KIAA1549L: variants seen among roughly 807,000 people sequenced by gnomAD.
KIAA1549L encodes the protein KIAA1549 like.
A neutral mutation model predicts 160.7 loss-of-function variants in KIAA1549L; 88 were observed. The ratio of observed to expected loss-of-function variants is 0.55; its 90% CI spans 0.46 to 0.65. The LOEUF (loss-of-function observed/expected upper bound fraction) is 0.65. Ranked by LOEUF, KIAA1549L falls within the 30% of genes least tolerant of loss-of-function variation. The pLI is 0.00. For missense variants in KIAA1549L, 2,258 were observed against 2,437.5 expected (o/e 0.93, Z 1.55); for synonymous variants, 950 against 976.7 (o/e 0.97, Z 0.51).
intron 1 of KIAA1549L, among the ~76,000 whole-genome samples, chr11:33,387,166 T>C (rs772349832): frequency 6.6e-6 from 1 of 152,152 alleles, no homozygotes; most frequent in Non-Finnish European, 1.5e-5. Context: ...ACTTCTGCTT[T>C]ATGGACGTGT....
intron 1 of KIAA1549L, among the ~76,000 whole-genome samples, chr11:33,390,321 C>G (rs1850249764): frequency 6.6e-6 from 1 of 152,208 alleles, no homozygotes; most frequent in Non-Finnish European, 1.5e-5. Flanking sequence ...GCCTCTTCTT[C>G]CTATGGCCCA....
At chr11:33,435,767 T>TATATACAC (rs1851341600) in intron 1 of KIAA1549L, among the ~76,000 whole-genome samples, 1 of 8,270 alleles carries the variant, frequency 1.2e-4, no homozygotes. Context: ...AAGATATATA[T>TATATACAC]ATATATATAT....
chr11:33,673,507 C>A lies in KIAA1549L; in HGVS notation c.*5353C>A, dbSNP rs1263563067. 6.6e-6 allele frequency: 1 copy of A among 152,146 alleles called. No individual in the cohort carries two copies. Among genetic ancestry groups the A allele is most frequent in the African/African-American group, 2.4e-5 (1 of 41,426 alleles). 9.4% of individuals were successfully genotyped at this position (152,146 alleles called of 1,614,324 possible). ...GTGAAAAAGGTATAAATATCCTAGA[C>A]CTTGATCAACTCACTTTAAACTGGT... On this transcript the variant is annotated 3_prime_UTR_variant, in exon 21 of 21. Coordinates refer to ENST00000658780, the MANE Select transcript of KIAA1549L (RefSeq NM_012194.3).
chr11:33,656,054 C>G lies in KIAA1549L; in HGVS notation c.5803C>G (p.Pro1935Ala). The change falls in exon 18 of 21, where the codon CCG (proline) becomes GCG (alanine). Residue 1935 changes from proline (P) to alanine (A), a missense_variant. By Grantham distance (27) the Pro-to-Ala change is conservative. Coordinates refer to ENST00000658780, the MANE Select transcript of KIAA1549L (RefSeq NM_012194.3). ...GCTTCCTGAGATGGTCATGGGCTCA[C>G]CGCCTCCACCCGTACCTCCCCGGAC... ...SQLPEMVMGS[P>A]PPPVPPRTGP... The G allele has an allele frequency of 1.2e-6, 2 of 1,613,942 alleles. No homozygotes were observed. Among genetic ancestry groups the G allele is most frequent in the African/African-American group, 1.3e-5 (1 of 75,050 alleles).
chr11:33,462,919 C>T (rs1851971860), intron 1 of KIAA1549L, among the ~76,000 whole-genome samples: 1 of 152,110 alleles, frequency 6.6e-6, no homozygotes, highest in Non-Finnish European at 1.5e-5. Context: ...ACTGCAGCTT[C>T]AACTTAAGTG....
intron 1 of KIAA1549L, among the ~76,000 whole-genome samples, chr11:33,406,382 G>T (rs554301723): frequency 6.6e-6 from 1 of 152,288 alleles, no homozygotes; most frequent in Non-Finnish European, 1.5e-5. Flanking sequence ...ACACGTGCAC[G>T]GGCCATATGG....
intron 1 of KIAA1549L, among the ~76,000 whole-genome samples, chr11:33,408,033 GTT>G: frequency 6.6e-6 from 1 of 152,140 alleles, no homozygotes; most frequent in African/African-American, 2.4e-5. Context: ...AAACAAGACA[GTT>G]TCCTTCTCAA....
At chr11:33,601,815 C>T (rs1380706045) in intron 13 of KIAA1549L, among the ~76,000 whole-genome samples, 1 of 152,174 alleles carries the variant, frequency 6.6e-6, no homozygotes, top group Non-Finnish European at 1.5e-5. Context: ...ATTCTGCTAG[C>T]CAGATGGCTG....
At chr11:33,635,950 A>T (rs780573409) in intron 16 of KIAA1549L, among the ~76,000 whole-genome samples, 2 of 152,206 alleles carry the variant, frequency 1.3e-5, no homozygotes, top group Non-Finnish European at 2.9e-5. Flanking sequence ...TTAAATGGGA[A>T]ATTCCAAAGA....
At chr11:33,575,019 C>G in intron 10 of KIAA1549L, 146 bp downstream of exon 10, 1 of 711,204 alleles carries the variant, frequency 1.4e-6, no homozygotes, top group South Asian at 1.9e-5. Flanking sequence ...AGCTATGTTT[C>G]TGTGTTGTTT....
chr11:33,526,460 C>T (rs946800110), intron 1 of KIAA1549L, among the ~76,000 whole-genome samples: 2 of 152,186 alleles, frequency 1.3e-5, no homozygotes, highest in African/African-American at 4.8e-5. Flanking sequence ...GTACTGGTAT[C>T]CATAGCTGGG....
chr11:33,495,938 T>A (rs1359685090), intron 1 of KIAA1549L, among the ~76,000 whole-genome samples: 1 of 152,070 alleles, frequency 6.6e-6, no homozygotes, highest in African/African-American at 2.4e-5. Context: ...TTGAGAAGTG[T>A]CTGTTCATGT....
chr11:33,465,429 G>C (rs1010538940), intron 1 of KIAA1549L, among the ~76,000 whole-genome samples: 1 of 152,014 alleles, frequency 6.6e-6, no homozygotes, highest in Admixed American at 6.6e-5. Context: ...CTTGCTCAGG[G>C]GCTCCACTGA....
chr11:33,525,939 G>A (rs1344410602), intron 1 of KIAA1549L, among the ~76,000 whole-genome samples: 4 of 151,982 alleles, frequency 2.6e-5, no homozygotes, highest in Non-Finnish European at 5.9e-5. Flanking sequence ...CACCCGCACC[G>A]CTGCCTCCCC....
rs1469264001 is a variant in KIAA1549L, at chr11:33,542,614, C to T, written c.1051C>T (p.Leu351=). Residue 351 remains leucine, a synonymous_variant, in exon 2 of 21, where the codon CTG becomes TTG. Coordinates refer to ENST00000658780, the MANE Select transcript of KIAA1549L (RefSeq NM_012194.3). ...TGGGTTTTTGAGCCCCATGGCAGAA[C>T]TGTCCCATCCGTCTCCCCCTCCCCC... The part of the protein sequence containing the change: ...TPGFLSPMAE[L]SHPSPPPPAL... The T allele has an allele frequency of 1.2e-6, 2 of 1,614,000 alleles. No individual in the cohort carries two copies. The highest frequency in any genetic ancestry group is 1.7e-6 in the Non-Finnish European group (2 of 1,179,876).
At chr11:33,550,916 G>T in intron 4 of KIAA1549L, 124 bp from the exon 5 acceptor site, 1 of 793,826 alleles carries the variant, frequency 1.3e-6, no homozygotes, top group East Asian at 2.5e-5. Context: ...AAGAATATTT[G>T]TTGAACGAGA....
rs533487533 is a variant in KIAA1549L at position 33,440,674 on chromosome 11, C to T, written c.238+63785C>T. Among the ~76,000 whole-genome samples the T allele has an allele frequency of 5.9e-5, 9 of 152,274 alleles. No homozygotes were observed. The South Asian group carries it at 1.9e-3, about 32-fold the overall frequency. On this transcript the variant is annotated intron_variant, in intron 1 of 20. Coordinates refer to ENST00000658780, the MANE Select transcript of KIAA1549L (RefSeq NM_012194.3). ...AATCAGTCATTGTTTTCAACCTTTA[C>T]ACAATGAACATTAAATTAGATTTAT...
At chr11:33,589,173 C>G (rs562318658) in intron 11 of KIAA1549L, among the ~76,000 whole-genome samples, 42 of 152,292 alleles carry the variant, frequency 2.8e-4, no homozygotes, top group African/African-American at 9.9e-4. Flanking sequence ...CTCATCATCA[C>G]TGGCCATCAG....
At chr11:33,581,738 A>G (rs1184708992) in intron 10 of KIAA1549L, among the ~76,000 whole-genome samples, 1 of 152,214 alleles carries the variant, frequency 6.6e-6, no homozygotes, top group Non-Finnish European at 1.5e-5. Flanking sequence ...TAATTACGCC[A>G]ATGAACACAA....
Sources: gnomAD v4.1 joint callset for allele counts (sites outside exome capture counted in the v4.1 genomes callset) on GRCh38, gnomAD v4.1.1 for gene constraint, MANE v1.5 for transcripts, NCBI Gene and HGNC (gene_info 2026-07-23, HGNC 2026-07-21) for gene names.